The following CD109 variants were observed in gnomAD, a reference collection of about 807,000 sequenced individuals.
CD109 encodes CD109 molecule, also known as CD109 antigen.
In CD109, 149 loss-of-function variants were observed where a neutral mutation model predicts 165.8. That is an observed-to-expected ratio of 0.90 (90% CI 0.79 to 1.03). CD109 has a LOEUF of 1.03. Among genes scored for constraint, CD109 ranks in the 50% least tolerant of loss-of-function variants. The pLI is 0.00. For missense variants in CD109, 1,712 were observed against 1,677.8 expected (o/e 1.02, Z -0.36); for synonymous variants, 585 against 592.1 (o/e 0.99, Z 0.18).
At chr6:73,696,186 C>T (rs1358240900), upstream of CD109, 8 of 1,540,782 alleles carry the variant, frequency 5.2e-6, no homozygotes, top group East Asian at 2.4e-5. Context: ...TCCCCGGCAG[C>T]GGACTGTAGC....
intron 2 of CD109, among the ~76,000 whole-genome samples, chr6:73,719,263 C>T (rs983126996): frequency 2.0e-5 from 3 of 152,084 alleles, no homozygotes; most frequent in Non-Finnish European, 2.9e-5. Flanking sequence ...CTGAAGTGTT[C>T]CAGTCAACTG....
At chr6:73,777,381 T>G (rs2150244384) in intron 15 of CD109, among the ~76,000 whole-genome samples, 1 of 151,154 alleles carries the variant, frequency 6.6e-6, no homozygotes, top group Middle Eastern at 3.4e-3. Context: ...TTTTGTAGGT[T>G]GTTTACTGTG....
Position 73,708,744 on chromosome 6 carries a change from G to A in CD109, c.247+11172G>A, listed in dbSNP as rs1450080729. 2.0e-5 allele frequency among the ~76,000 whole-genome samples: 3 copies of A among 152,162 alleles called. No homozygotes were observed. In the East Asian group the frequency reaches 5.8e-4, roughly 29 times the overall value. The stretch of plus-strand genomic sequence containing the variant: ...TGGTTTTGATTTGCATTTCTCTGAT[G>A]GCCAGTGATGATGAGCATTTTTCCA... On this transcript the variant is annotated intron_variant, in intron 2 of 32. Transcript: ENST00000287097.
chr6:73,787,397 T>C lies in CD109; in HGVS notation c.2501T>C (p.Val834Ala), dbSNP rs1295035254. The part of the protein sequence containing the change: ...PTHLGEIPIT[V>A]TALSPTASDA... ...CATCTGGGAGAAATTCCTATCACAG[T>C]CACAGCTCTTTCACCCACTGCTTCT... Residue 834 changes from valine (V) to alanine (A), a missense_variant, in exon 21 of 33, where the codon GTC (valine) becomes GCC (alanine). Physicochemically the swap from Val to Ala is moderately conservative, Grantham distance 64. Transcript: ENST00000287097. 6.2e-7 allele frequency: 1 copy of C among 1,614,068 alleles called. No homozygotes were observed. The highest frequency in any genetic ancestry group is 1.1e-5 in the South Asian group (1 of 91,074).
intron 30 of CD109, among the ~76,000 whole-genome samples, chr6:73,817,613 T>C (rs1775984306): frequency 6.6e-6 from 1 of 152,228 alleles, no homozygotes; most frequent in Non-Finnish European, 1.5e-5. Context: ...TCTTTTAAAT[T>C]GGAGGCAAAC....
At chr6:73,684,605 T>A in the CD109 span, among the ~76,000 whole-genome samples, 1 of 152,146 alleles carries the variant, frequency 6.6e-6, no homozygotes, top group South Asian at 2.1e-4. Flanking sequence ...CCCTGATGAT[T>A]AGTGGTATTG....
chr6:73,801,702 T>C (rs773981545), intron 23 of CD109, among the ~76,000 whole-genome samples: 20 of 152,252 alleles, frequency 1.3e-4, no homozygotes, highest in Non-Finnish European at 2.2e-4. Flanking sequence ...TAGTCAAATA[T>C]GAATTTTACT....
intron 5 of CD109, among the ~76,000 whole-genome samples, chr6:73,756,027 G>A (rs1466098484): frequency 2.0e-5 from 3 of 152,010 alleles, no homozygotes; most frequent in African/African-American, 7.2e-5. Flanking sequence ...TAAATGATAC[G>A]ATAATAGCCC....
At chr6:73,766,892 T>A (rs1262523501) in intron 12 of CD109, 32 bp downstream of exon 12, 1 of 1,606,956 alleles carries the variant, frequency 6.2e-7, no homozygotes, top group East Asian at 2.2e-5. Flanking sequence ...AGAATTACAA[T>A]ATAATTGGAC....
At chr6:73,692,887 T>C (rs1292791546), upstream of CD109, among the ~76,000 whole-genome samples, 1 of 152,328 alleles carries the variant, frequency 6.6e-6, no homozygotes, top group Middle Eastern at 3.4e-3. Context: ...CTCCCAGCCA[T>C]GTGGAACTGT....
intron 13 of CD109, among the ~76,000 whole-genome samples, chr6:73,767,634 ATAAC>A (rs1215303546): frequency 6.6e-6 from 1 of 152,224 alleles, no homozygotes; most frequent in Non-Finnish European, 1.5e-5. Context: ...TTTAAAATAG[ATAAC>A]TAAACCTTGT....
At chr6:73,753,886 G>T (rs1285847076) in intron 5 of CD109, among the ~76,000 whole-genome samples, 1 of 152,190 alleles carries the variant, frequency 6.6e-6, no homozygotes, top group African/African-American at 2.4e-5. Flanking sequence ...CTGGGGACAA[G>T]AATTGACTCA....
intron 5 of CD109, among the ~76,000 whole-genome samples, chr6:73,747,883 C>CTT (rs34248513): frequency 1.8e-4 from 27 of 146,114 alleles, no homozygotes; most frequent in African/African-American, 6.0e-4. Context: ...TTCTTTCTTT[C>CTT]TTTTTTTTTT....
rs529147145 is a variant in CD109, at chr6:73,772,775, C to T, written c.1827+1194C>T. 7.3e-4 allele frequency among the ~76,000 whole-genome samples: 111 copies of T among 152,026 alleles called. 1 individual carries two copies. The South Asian group carries it at 0.012, about 17-fold the overall frequency. ...GGATTCAGTAGAGTGATTAACAATA[C>T]ATCAGAAAGAAAACTATATATAGTT... On this transcript the variant is annotated intron_variant, in intron 15 of 32. Coordinates refer to ENST00000287097, the MANE Select transcript of CD109 (RefSeq NM_133493.5).
chr6:73,697,720 A>G (rs1770906215), intron 2 of CD109, 148 bp downstream of exon 2: 2 of 595,238 alleles, frequency 3.4e-6, no homozygotes, highest in Non-Finnish European at 5.6e-6. Flanking sequence ...GTAAAGTCCT[A>G]GATGGTGTTC....
chr6:73,816,093 T>C (rs1042983275), intron 30 of CD109, among the ~76,000 whole-genome samples: 4 of 152,170 alleles, frequency 2.6e-5, no homozygotes, highest in African/African-American at 9.7e-5. Flanking sequence ...GGACCCAGTC[T>C]CCGCCATTAC....
chr6:73,690,454 T>G, the CD109 span, among the ~76,000 whole-genome samples: 1 of 152,230 alleles, frequency 6.6e-6, no homozygotes, highest in Admixed American at 6.5e-5. Context: ...CAGGCTGGAG[T>G]GCAGTGGTGT....
chr6:73,798,110 G>GTA (rs1554183129), intron 23 of CD109, among the ~76,000 whole-genome samples: 1 of 142,518 alleles, frequency 7.0e-6, no homozygotes, highest in Admixed American at 7.0e-5. Context: ...TCAGTGTCCT[G>GTA]TTTTTTTTTT....
At chr6:73,772,716 T>C (rs1461398478) in intron 15 of CD109, among the ~76,000 whole-genome samples, 1 of 152,028 alleles carries the variant, frequency 6.6e-6, no homozygotes, top group Non-Finnish European at 1.5e-5. Flanking sequence ...CATTGTCAGT[T>C]GTAAACTAGA....
Sources: allele counts gnomAD v4.1 joint callset (sites outside exome capture counted in the v4.1 genomes callset), GRCh38; gene constraint gnomAD v4.1.1; transcripts MANE v1.5; gene names NCBI Gene and HGNC (gene_info 2026-07-23, HGNC 2026-07-21).